The following AFAP1 variants were observed in gnomAD, a reference collection of about 807,000 sequenced individuals.
AFAP1 encodes the protein actin filament associated protein 1.
AFAP1 carries 75 observed loss-of-function variants against 93.9 expected under a neutral mutation model. The ratio of observed to expected loss-of-function variants is 0.80; its 90% confidence interval spans 0.66 to 0.97. AFAP1 has a LOEUF of 0.97. Among genes scored for constraint, AFAP1 ranks in the 50% least tolerant of loss-of-function variants. The pLI is 0.00. For missense variants in AFAP1, 1,201 were observed against 1,050.8 expected (o/e 1.14, Z -1.98); for synonymous variants, 517 against 430.7 (o/e 1.20, Z -2.48).
intron 16 of AFAP1, among the ~76,000 whole-genome samples, chr4:7,769,367 G>A (rs983411326): frequency 2.0e-5 from 3 of 152,212 alleles, no homozygotes; most frequent in Non-Finnish European, 4.4e-5. Flanking sequence ...GTGCTTTAAG[G>A]TTTTGAGCTT....
intron 1 of AFAP1, among the ~76,000 whole-genome samples, chr4:7,931,868 T>C (rs1300273027): frequency 6.6e-6 from 1 of 151,684 alleles, no homozygotes; most frequent in Non-Finnish European, 1.5e-5. Flanking sequence ...TGGTTTCTTT[T>C]TCTTTTTTTT....
intron 15 of AFAP1, 98 bp from the exon 16 acceptor site, chr4:7,773,108 T>C (rs1046502524): frequency 1.4e-6 from 2 of 1,473,160 alleles, no homozygotes; most frequent in Admixed American, 2.4e-5. Flanking sequence ...CCACAAAACG[T>C]CTGAGGTCGA....
chr4:7,874,244 C>G (rs924273401), intron 1 of AFAP1, among the ~76,000 whole-genome samples: 1 of 152,056 alleles, frequency 6.6e-6, no homozygotes, highest in South Asian at 2.1e-4. Flanking sequence ...GTTAGGAAAC[C>G]GCCACTTGTC....
chr4:7,864,141 A>ACATTCCCAACTTCCCATCACAACG lies in AFAP1; in HGVS notation c.225+4480_225+4481insCGTTGTGATGGGAAGTTGGGAATG, dbSNP rs1577313322. ...CCCATTCCCAACTTCCCATCACAAC[A>ACATTCCCAACTTCCCATCACAACG]CATTCCCAACTTCTCATCACAACCC... On this transcript the variant is annotated intron_variant, in intron 3 of 17. Transcript: ENST00000420658. 1.7e-4 allele frequency among the ~76,000 whole-genome samples: 6 copies of ACATTCCCAACTTCCCATCACAACG among 34,662 alleles called. 2 individuals carry two copies. The highest frequency in any genetic ancestry group is 3.5e-4 in the Non-Finnish European group (4 of 11,492). 22.7% of individuals were successfully genotyped at this position (34,662 alleles called of 152,430 possible). A position where few individuals can be genotyped will look rare whatever the true frequency, so the allele number is the denominator to read the frequency against.
intron 1 of AFAP1, among the ~76,000 whole-genome samples, chr4:7,889,765 T>C (rs188713876): frequency 3.4e-4 from 50 of 148,462 alleles, no homozygotes; most frequent in Non-Finnish European, 2.4e-4. Flanking sequence ...CCACTTCCAA[T>C]AGTATTAAAA....
intron 10 of AFAP1, among the ~76,000 whole-genome samples, chr4:7,795,803 CAATT>C (rs1303526633): frequency 1.3e-5 from 2 of 152,082 alleles, no homozygotes; most frequent in Admixed American, 6.5e-5. Flanking sequence ...TGTTTTAATA[CAATT>C]AATATCTAAG....
At chr4:7,868,923 A>T (rs1716739578) in intron 2 of AFAP1, among the ~76,000 whole-genome samples, 2 of 152,162 alleles carry the variant, frequency 1.3e-5, no homozygotes, top group Non-Finnish European at 2.9e-5. Context: ...AAGTGAAAGA[A>T]AAGAAAAGAG....
intron 6 of AFAP1, among the ~76,000 whole-genome samples, chr4:7,828,548 G>A (rs1462407845): frequency 1.3e-5 from 2 of 152,128 alleles, no homozygotes; most frequent in African/African-American, 4.8e-5. Context: ...TCAGCTATCC[G>A]GCCTGTTCTC....
intron 3 of AFAP1, among the ~76,000 whole-genome samples, chr4:7,859,186 G>A (rs945394228): frequency 3.9e-5 from 6 of 152,156 alleles, no homozygotes; most frequent in Non-Finnish European, 7.3e-5. Context: ...TTTGGGAGAC[G>A]GAGGCAGGCA....
At chr4:7,825,574 AG>A (rs1721349152) in intron 6 of AFAP1, among the ~76,000 whole-genome samples, 1 of 152,234 alleles carries the variant, frequency 6.6e-6, no homozygotes, top group Non-Finnish European at 1.5e-5. Flanking sequence ...CAAAACGTAG[AG>A]GGTGCCGTTA....
At chr4:7,826,181 C>A (rs905823634) in intron 6 of AFAP1, among the ~76,000 whole-genome samples, 1 of 152,166 alleles carries the variant, frequency 6.6e-6, no homozygotes, top group African/African-American at 2.4e-5. Context: ...TACCTGTTGA[C>A]AATTCAAGGT....
chr4:7,857,538 G>A (rs1056635637), intron 3 of AFAP1, among the ~76,000 whole-genome samples: 19 of 152,220 alleles, frequency 1.2e-4, no homozygotes, highest in East Asian at 1.9e-4. Context: ...TTAGTGTGGC[G>A]TTAGGCTGGA....
At chr4:7,914,465 T>C (rs1719952593) in intron 1 of AFAP1, among the ~76,000 whole-genome samples, 1 of 152,174 alleles carries the variant, frequency 6.6e-6, no homozygotes, top group African/African-American at 2.4e-5. Flanking sequence ...TTGCTGAGAA[T>C]AACAGGACTT....
chr4:7,880,930 C>T (rs988022961), intron 1 of AFAP1, among the ~76,000 whole-genome samples: 3 of 152,226 alleles, frequency 2.0e-5, no homozygotes, highest in African/African-American at 7.2e-5. Flanking sequence ...ATATTCCCCA[C>T]AGGCTTCACA....
At chr4:7,775,773 T>C (rs1716049482) in intron 14 of AFAP1, 1 of 152,144 alleles carries the variant, frequency 6.6e-6, no homozygotes, top group African/African-American at 2.4e-5. Context: ...ATCCGTGAAA[T>C]GGGGATAGTA....
intron 3 of AFAP1, chr4:7,861,899 T>C: frequency 6.6e-6 from 1 of 152,224 alleles, no homozygotes; most frequent in East Asian, 1.9e-4. Flanking sequence ...CTACAACTGG[T>C]AAAAGAGCCA....
intron 17 of AFAP1, among the ~76,000 whole-genome samples, chr4:7,764,443 TTGGGAAGATGAGAAAGTTC>T (rs1714266710): frequency 6.6e-6 from 1 of 151,592 alleles, no homozygotes; most frequent in African/African-American, 2.4e-5. Context: ...GGTGGGAAGT[TTGGGAAGATGAGAAAGTTC>T]TGGAGAAGGA....
chr4:7,798,219 C>G (rs60966449), intron 10 of AFAP1, among the ~76,000 whole-genome samples: 1 of 94,862 alleles, frequency 1.1e-5, no homozygotes. Flanking sequence ...GGCACTGCAA[C>G]TCTATTGGCT....
chr4:7,859,228 G>C (rs2149151670), intron 3 of AFAP1, among the ~76,000 whole-genome samples: 1 of 152,236 alleles, frequency 6.6e-6, no homozygotes, highest in South Asian at 2.1e-4. Context: ...AGACCAGCCT[G>C]GCCAACATGA....
Sources: allele counts gnomAD v4.1 joint callset (sites outside exome capture counted in the v4.1 genomes callset), GRCh38; gene constraint gnomAD v4.1.1; transcripts MANE v1.5; gene names NCBI Gene and HGNC (gene_info 2026-07-23, HGNC 2026-07-21).